The following DYNLL1 variants were observed in gnomAD, a reference collection of about 807,000 sequenced individuals.
The protein encoded by DYNLL1 is dynein light chain LC8-type 1, also known as dynein light chain 1, cytoplasmic.
A neutral mutation model predicts 10.1 loss-of-function variants in DYNLL1; 3 were observed. The observed-to-expected ratio is 0.30, with a 90% CI of 0.14 to 0.77. DYNLL1 has a LOEUF of 0.77. Ranked by LOEUF, DYNLL1 falls within the 30% of genes least tolerant of loss-of-function variation. DYNLL1 has a pLI of 0.66. For synonymous variants in DYNLL1, 46 were observed against 41.2 expected (o/e 1.12, Z -0.45); for missense variants, 47 against 111.7 (o/e 0.42, Z 2.61).
intron 1 of DYNLL1, among the ~76,000 whole-genome samples, chr12:120,471,369 C>G (rs921828931): frequency 2.0e-5 from 3 of 152,018 alleles, no homozygotes; most frequent in Non-Finnish European, 4.4e-5. Flanking sequence ...GAGGGAGACT[C>G]TGTCTCAAAA....
At chr12:120,486,031 AT>A (rs1428011613) in intron 1 of DYNLL1, among the ~76,000 whole-genome samples, 1 of 151,976 alleles carries the variant, frequency 6.6e-6, no homozygotes, top group Non-Finnish European at 1.5e-5. Flanking sequence ...TATTTTTGTA[AT>A]TTTTAATAAA....
chr12:120,472,600 A>G (rs150626785), intron 1 of DYNLL1, among the ~76,000 whole-genome samples: 77 of 152,338 alleles, frequency 5.1e-4, no homozygotes, highest in African/African-American at 1.7e-3. Flanking sequence ...AGGAAAAAAA[A>G]GTGCTGTTGG....
intron 1 of DYNLL1, among the ~76,000 whole-genome samples, chr12:120,476,714 C>T (rs1188029384): frequency 1.3e-5 from 2 of 151,888 alleles, no homozygotes; most frequent in South Asian, 2.1e-4. Flanking sequence ...CAGGTTCAAG[C>T]GATTTTCCTG....
chr12:120,483,922 G>C (rs1009420832), intron 1 of DYNLL1, among the ~76,000 whole-genome samples: 4 of 152,040 alleles, frequency 2.6e-5, no homozygotes, highest in South Asian at 2.1e-4. Flanking sequence ...CAGAGGAAGA[G>C]AGCAACTGTG....
chr12:120,482,133 G>C (rs1424806542), intron 1 of DYNLL1, among the ~76,000 whole-genome samples: 2 of 152,280 alleles, frequency 1.3e-5, no homozygotes, highest in Middle Eastern at 3.4e-3. Context: ...AAAATTTACA[G>C]AGAAGCCAGG....
chr12:120,476,965 T>C (rs1190732863), intron 1 of DYNLL1, among the ~76,000 whole-genome samples: 3 of 151,290 alleles, frequency 2.0e-5, no homozygotes. Flanking sequence ...AGTCTCGCTC[T>C]GTTGCCCAGG....
At chr12:120,494,648 G>T (rs1179467511), upstream of DYNLL1, among the ~76,000 whole-genome samples, 1 of 151,804 alleles carries the variant, frequency 6.6e-6, no homozygotes, top group African/African-American at 2.4e-5. Context: ...TTGAGATGGG[G>T]TTTGGCCATA....
At chr12:120,475,234 G>A (rs1878730038) in intron 1 of DYNLL1, among the ~76,000 whole-genome samples, 1 of 152,146 alleles carries the variant, frequency 6.6e-6, no homozygotes, top group Admixed American at 6.5e-5. Flanking sequence ...CCAAACAGGT[G>A]GGAACACAAG....
intron 2 of DYNLL1, chr12:120,496,829 C>A: frequency 1.7e-6 from 1 of 599,646 alleles, no homozygotes. Context: ...GCAGCGGTTC[C>A]CCCTTCTGTG....
At chr12:120,494,405 T>C (rs1459925694), upstream of DYNLL1, among the ~76,000 whole-genome samples, 1 of 151,312 alleles carries the variant, frequency 6.6e-6, no homozygotes, top group East Asian at 1.9e-4. Context: ...GCCTCCTGAG[T>C]AGGTGGGATT....
chr12:120,470,882 T>C (rs1344968654), intron 1 of DYNLL1, among the ~76,000 whole-genome samples: 2 of 151,948 alleles, frequency 1.3e-5, no homozygotes, highest in Non-Finnish European at 2.9e-5. Flanking sequence ...CCGTTTCTAC[T>C]AAAAATACAA....
At chr12:120,478,359 G>A (rs1279344633) in intron 1 of DYNLL1, among the ~76,000 whole-genome samples, 3 of 149,424 alleles carry the variant, frequency 2.0e-5, no homozygotes, top group South Asian at 2.1e-4. Context: ...CGCCCGCCTC[G>A]ACCTCCCAAA....
chr12:120,485,409 C>T (rs1878971869), intron 1 of DYNLL1, among the ~76,000 whole-genome samples: 1 of 151,906 alleles, frequency 6.6e-6, no homozygotes, highest in Non-Finnish European at 1.5e-5. Flanking sequence ...GCGCCCACCA[C>T]CACACCCAGC....
At position 120,498,344 on chromosome 12, in the gene DYNLL1, G is replaced by A. The variant is rs1437668807; in HGVS notation, c.*134G>A. The A allele has an allele frequency of 9.1e-7, 1 of 1,100,708 alleles. No homozygotes were observed. Among genetic ancestry groups the A allele is most frequent in the Non-Finnish European group, 1.3e-6 (1 of 793,514 alleles). 68.2% of individuals were successfully genotyped at this position (1,100,708 alleles called of 1,614,324 possible). On this transcript the variant is annotated 3_prime_UTR_variant, in exon 3 of 3. Transcript: ENST00000242577. ...GATGTTTGAACCTTTGTTGTGTTTT[G>A]TACAGGGCATTCTCTGTACTAGTTT...
At chr12:120,496,341 C>T (rs1868397300) in intron 1 of DYNLL1, 75 bp from the exon 2 acceptor site, 6 of 1,585,984 alleles carry the variant, frequency 3.8e-6, no homozygotes, top group Middle Eastern at 2.3e-4. Context: ...GTGGTGGCGC[C>T]GGCCGGGGTG....
At chr12:120,483,543 A>T (rs77755019) in intron 1 of DYNLL1, among the ~76,000 whole-genome samples, 8,662 of 152,216 alleles carry the variant, frequency 0.057, 363 homozygotes, top group South Asian at 0.097. Context: ...AGCCTGCAGG[A>T]TAAGCAGGCA....
upstream of DYNLL1, among the ~76,000 whole-genome samples, chr12:120,493,217 G>A (rs1166878533): frequency 6.6e-6 from 1 of 152,052 alleles, no homozygotes; most frequent in African/African-American, 2.4e-5. Context: ...TCCATTTATG[G>A]TAATGATATA....
rs528410625 is a variant in DYNLL1, at chr12:120,496,694, A to G, written c.132+141A>G. 8.8e-6 allele frequency: 12 copies of G among 1,365,696 alleles called. No homozygotes were observed. The Admixed American group carries it at 2.0e-4, about 23-fold the overall frequency. The allele number at this position is 1,365,696 out of a possible 1,614,324, so 84.6% of individuals were successfully genotyped here. A position where few individuals can be genotyped will look rare whatever the true frequency, so the allele number is the denominator to read the frequency against. On this transcript the variant is annotated intron_variant, in intron 2 of 2. Transcript: ENST00000242577. ...GTAGAAGCTTCCAGAAAGGACGCAGATGCATTTTGCGCTCCTGTGGAGAAG... is the reference window on the plus strand; with the variant it reads ...GTAGAAGCTTCCAGAAAGGACGCAGGTGCATTTTGCGCTCCTGTGGAGAAG...
At chr12:120,484,069 GA>G (rs1377425458) in intron 1 of DYNLL1, among the ~76,000 whole-genome samples, 2 of 152,124 alleles carry the variant, frequency 1.3e-5, no homozygotes, top group Non-Finnish European at 2.9e-5. Context: ...CGGGGACAGG[GA>G]GTACAGACAA....
Sources: allele counts gnomAD v4.1 joint callset (sites outside exome capture counted in the v4.1 genomes callset), GRCh38; gene constraint gnomAD v4.1.1; transcripts MANE v1.5; gene names NCBI Gene and HGNC (gene_info 2026-07-23, HGNC 2026-07-21).